ASB18: variants seen among roughly 807,000 people sequenced by gnomAD.
ASB18 encodes ankyrin repeat and SOCS box protein 18.
In ASB18, 33 loss-of-function variants were observed where a neutral mutation model predicts 33.4. The observed-to-expected ratio is 0.99, with a 90% CI of 0.75 to 1.32. The LOEUF is 1.32. Among genes scored for constraint, ASB18 ranks in the 40% most tolerant of loss-of-function variants. ASB18 has a pLI of 0.00. For missense variants in ASB18, 694 were observed against 655.5 expected (o/e 1.06, Z -0.64); for synonymous variants, 295 against 307.6 (o/e 0.96, Z 0.43).
In ASB18 at chr2:236,211,387, C is replaced by T. The variant is rs544611021; in HGVS notation, c.1101+2975G>A. Among the ~76,000 whole-genome samples the T allele has an allele frequency of 2.4e-4, 36 of 152,358 alleles. No homozygotes were observed. Among genetic ancestry groups the T allele is most frequent in the African/African-American group, 7.9e-4 (33 of 41,590 alleles). ...CTTTGATTCTCACTGCAGAGCACTG[C>T]GCCGGCTCGGAAGGATGCCCTGTGT... On this transcript the variant is annotated intron_variant, in intron 4 of 5. Coordinates refer to ENST00000409749, the MANE Select transcript of ASB18 (RefSeq NM_212556.4). The surrounding 1 kb of genome is among the most constrained non-coding windows in gnomAD (Gnocchi z 5.0).
In ASB18 at chr2:236,241,178, C is replaced by T. The variant is rs887642526; in HGVS notation, c.328+102G>A. ...TGTCCTTTTCTTGTGTACGTTAAACCCAGTGCCACTGTGCCCAGTCTACAC... is the reference window on the plus strand; with the variant it reads ...TGTCCTTTTCTTGTGTACGTTAAACTCAGTGCCACTGTGCCCAGTCTACAC... On this transcript the variant is annotated intron_variant, in intron 2 of 5. Transcript: ENST00000409749. This position sits in a 1 kb window ranked among gnomAD's most constrained non-coding sequence, Gnocchi z 4.2. The T allele has an allele frequency of 8.4e-7, 1 of 1,189,142 alleles. No individual in the cohort carries two copies. The highest frequency in any genetic ancestry group is 1.5e-5 in the African/African-American group (1 of 66,204). The allele number at this position is 1,189,142 out of a possible 1,614,324, so 73.7% of individuals were successfully genotyped here. A position where few individuals can be genotyped will look rare whatever the true frequency, so the allele number is the denominator to read the frequency against.
In ASB18 at chr2:236,216,484, A is replaced by G. The variant is rs1470866741; in HGVS notation, c.597-1618T>C. ...CTCTTGATCATCTTGGCCCAGAGTT[A>G]GTCGTCTTTGGCTTATTTGGGGTCT... is the stretch of plus-strand genomic sequence containing the variant. On this transcript the variant is annotated intron_variant, in intron 3 of 5. Coordinates refer to ENST00000409749, the MANE Select transcript of ASB18 (RefSeq NM_212556.4). The surrounding 1 kb of genome is among the most constrained non-coding windows in gnomAD (Gnocchi z 6.1). Among the ~76,000 whole-genome samples the G allele has an allele frequency of 1.3e-5, 2 of 152,166 alleles. No individual in the cohort carries two copies. Among genetic ancestry groups the G allele is most frequent in the Non-Finnish European group, 2.9e-5 (2 of 68,028 alleles).
rs762110696 is a variant in ASB18 at position 236,241,052 on chromosome 2, C to T, written c.328+228G>A. On this transcript the variant is annotated intron_variant, in intron 2 of 5. Coordinates refer to ENST00000409749, the MANE Select transcript of ASB18 (RefSeq NM_212556.4). The surrounding 1 kb of genome is among the most constrained non-coding windows in gnomAD (Gnocchi z 4.2). ...AGACAAGAGGCACACCCAGCGTCAT[C>T]GGATAGGCATTCCCACCAATCGCTG... 4.6e-5 allele frequency among the ~76,000 whole-genome samples: 7 copies of T among 152,216 alleles called. No homozygotes were observed. The highest frequency in any genetic ancestry group is 1.3e-4 in the Admixed American group (2 of 15,284).
chr2:236,226,994 C>T lies in ASB18; in HGVS notation c.596+10695G>A, dbSNP rs562377639. Reference sequence around the variant, plus strand: ...TTAACAATGGTACAAGACTATTAACCAAACTGTTGACTTTATTTGGATTTT... The same window carrying T: ...TTAACAATGGTACAAGACTATTAACTAAACTGTTGACTTTATTTGGATTTT... On this transcript the variant is annotated intron_variant, in intron 3 of 5. Transcript: ENST00000409749. The surrounding 1 kb of genome is among the most constrained non-coding windows in gnomAD (Gnocchi z 4.8). Among the ~76,000 whole-genome samples, 5 of 152,200 alleles carry T rather than the reference C, an allele frequency of 3.3e-5. No individual in the cohort carries two copies. The South Asian group carries it at 8.3e-4, about 25-fold the overall frequency.
At chr2:236,224,110 A>G in intron 3 of ASB18, among the ~76,000 whole-genome samples, 1 of 148,862 alleles carries the variant, frequency 6.7e-6, no homozygotes, top group South Asian at 2.1e-4. Context: ...CCAAAGAGAT[A>G]TCATTTTACC....
rs79139875 is a variant in ASB18, at chr2:236,241,983, T to A, written c.206-581A>T. ...AGCAAATAAGTAATATCCTCTCAGA[T>A]TTTTTTTTAAAGTACTATATTTGGA... is the stretch of plus-strand genomic sequence containing the variant. On this transcript the variant is annotated intron_variant, in intron 1 of 5. Transcript: ENST00000409749. This position sits in a 1 kb window ranked among gnomAD's most constrained non-coding sequence, Gnocchi z 4.2. Among the ~76,000 whole-genome samples the A allele has an allele frequency of 6.6e-6, 1 of 151,570 alleles. No homozygotes were observed. Among genetic ancestry groups the A allele is most frequent in the South Asian group, 2.1e-4 (1 of 4,806 alleles).
At position 236,235,842 on chromosome 2, in the gene ASB18, T is replaced by G. The variant is rs895554817; in HGVS notation, c.596+1847A>C. The stretch of plus-strand genomic sequence containing the variant: ...CTGAGTAGCTGGGATTACAGGTGCA[T>G]GCCAACATGCCTGGGTAATTTTTGT... On this transcript the variant is annotated intron_variant, in intron 3 of 5. Coordinates refer to ENST00000409749, the MANE Select transcript of ASB18 (RefSeq NM_212556.4). The surrounding 1 kb of genome is among the most constrained non-coding windows in gnomAD (Gnocchi z 6.2). 6.6e-6 allele frequency among the ~76,000 whole-genome samples: 1 copy of G among 152,154 alleles called. No homozygotes were observed. Among genetic ancestry groups the G allele is most frequent in the African/African-American group, 2.4e-5 (1 of 41,430 alleles).
Position 236,234,386 on chromosome 2 carries a change from C to G in ASB18, c.596+3303G>C, listed in dbSNP as rs1229340241. Reference sequence around the variant, plus strand: ...CAGCTCTGATCTAGGCATGGCTGCTCAGAAATGGGGTATTCTTCAATTTGT... The same window carrying G: ...CAGCTCTGATCTAGGCATGGCTGCTGAGAAATGGGGTATTCTTCAATTTGT... On this transcript the variant is annotated intron_variant, in intron 3 of 5. Coordinates refer to ENST00000409749, the MANE Select transcript of ASB18 (RefSeq NM_212556.4). The surrounding 1 kb of genome is among the most constrained non-coding windows in gnomAD (Gnocchi z 4.1). 6.6e-6 allele frequency among the ~76,000 whole-genome samples: 1 copy of G among 152,192 alleles called. No homozygotes were observed. Among genetic ancestry groups the G allele is most frequent in the Non-Finnish European group, 1.5e-5 (1 of 68,040 alleles).
At position 236,208,688 on chromosome 2, in the gene ASB18, C is replaced by G. The variant is rs2060445006; in HGVS notation, c.1101+5674G>C. Among the ~76,000 whole-genome samples, 1 of 152,148 alleles carries G rather than the reference C, an allele frequency of 6.6e-6. No homozygotes were observed. The highest frequency in any genetic ancestry group is 1.5e-5 in the Non-Finnish European group (1 of 68,030). On this transcript the variant is annotated intron_variant, in intron 4 of 5. Transcript: ENST00000409749. The surrounding 1 kb of genome is among the most constrained non-coding windows in gnomAD (Gnocchi z 7.7). ...GTCTCTGGGAATTCATTTTCTGTCT[C>G]TCCTCTGTTCCACCTCTCTGGGGCT...
chr2:236,257,332 C>T lies in ASB18; in HGVS notation c.205+6809G>A, dbSNP rs1026719733. 5.9e-5 allele frequency among the ~76,000 whole-genome samples: 9 copies of T among 152,366 alleles called. No individual in the cohort carries two copies. In the East Asian group the frequency reaches 1.2e-3, roughly 20 times the overall value. On this transcript the variant is annotated intron_variant, in intron 1 of 5. Transcript: ENST00000409749. The surrounding 1 kb of genome is among the most constrained non-coding windows in gnomAD (Gnocchi z 5.5). ...TTCGAGCAGGGTCTCCCTGCCCCCA[C>T]GCTCTCTGGTGGAGTGAGCAGTCAA...
rs533304892 is a variant in ASB18 at position 236,238,974 on chromosome 2, T to C, written c.329-1018A>G. 7.9e-5 allele frequency among the ~76,000 whole-genome samples: 12 copies of C among 152,092 alleles called. No homozygotes were observed. The East Asian group carries it at 2.3e-3, about 29-fold the overall frequency. ...GGTGCCGAGTTCCAGCCGCCCTGAG[T>C]CCCCAAGGCCCAGCCTGGAGCTTGT... On this transcript the variant is annotated intron_variant, in intron 2 of 5. Coordinates refer to ENST00000409749, the MANE Select transcript of ASB18 (RefSeq NM_212556.4). This position sits in a 1 kb window ranked among gnomAD's most constrained non-coding sequence, Gnocchi z 5.2.
intron 4 of ASB18, among the ~76,000 whole-genome samples, chr2:236,199,081 T>C (rs2060387087): frequency 1.3e-5 from 2 of 152,294 alleles, no homozygotes; most frequent in South Asian, 4.1e-4. Flanking sequence ...TAAGATGTAA[T>C]TTCATTTTTT....
rs1417471373 is a variant in ASB18 at position 236,214,822 on chromosome 2, A to G, written c.641T>C (p.Val214Ala). 2 of 1,212,980 alleles carry G rather than the reference A, an allele frequency of 1.6e-6. No homozygotes were observed. Among genetic ancestry groups the G allele is most frequent in the African/African-American group, 3.2e-5 (2 of 63,124 alleles). 75.1% of individuals were successfully genotyped at this position (1,212,980 alleles called of 1,614,324 possible). A position where few individuals can be genotyped will look rare whatever the true frequency, so the allele number is the denominator to read the frequency against. ...LLEHGASVQR[V>A]GGTGRDTPLH... The stretch of plus-strand genomic sequence containing the variant: ...CGGCGTGTCCCGGCCCGTGCCGCCC[A>G]CGCGCTGCACCGAGGCCCCGTGCTC... Residue 214 changes from valine to alanine, a missense_variant, in exon 4 of 6, where the codon GTG becomes GCG. Transcript: ENST00000409749. This position sits in a 1 kb window ranked among gnomAD's most constrained non-coding sequence, Gnocchi z 6.5.
Position 236,214,254 on chromosome 2 carries a change from G to T in ASB18, c.1101+108C>A. ...TGCATTTTCACAAGTCCCCAGGGGT[G>T]CCTGGGCCATTACACTTTGAGAGCG... On this transcript the variant is annotated intron_variant, in intron 4 of 5. Coordinates refer to ENST00000409749, the MANE Select transcript of ASB18 (RefSeq NM_212556.4). The surrounding 1 kb of genome is among the most constrained non-coding windows in gnomAD (Gnocchi z 6.5). 8.6e-7 allele frequency: 1 copy of T among 1,160,166 alleles called. No homozygotes were observed. 71.9% of individuals were successfully genotyped at this position (1,160,166 alleles called of 1,614,324 possible). A position where few individuals can be genotyped will look rare whatever the true frequency, so the allele number is the denominator to read the frequency against.
rs1478057019 is a variant in ASB18, at chr2:236,231,392, G to A, written c.596+6297C>T. 1.3e-5 allele frequency among the ~76,000 whole-genome samples: 2 copies of A among 152,134 alleles called. No individual in the cohort carries two copies. The highest frequency in any genetic ancestry group is 1.9e-4 in the East Asian group (1 of 5,186). ...GAAGTGATTAGGCCCTCATAGATGGGATTAGTGCCCTTATAAAAGGGCTTG... is the reference window on the plus strand; with the variant it reads ...GAAGTGATTAGGCCCTCATAGATGGAATTAGTGCCCTTATAAAAGGGCTTG... On this transcript the variant is annotated intron_variant, in intron 3 of 5. Transcript: ENST00000409749. This position sits in a 1 kb window ranked among gnomAD's most constrained non-coding sequence, Gnocchi z 5.5.
Position 236,239,738 on chromosome 2 carries a change from A to G in ASB18, c.328+1542T>C, listed in dbSNP as rs901156143. On this transcript the variant is annotated intron_variant, in intron 2 of 5. Transcript: ENST00000409749. The surrounding 1 kb of genome is among the most constrained non-coding windows in gnomAD (Gnocchi z 5.6). ...CTGTACTCAGATCAATCCCTTCCCC[A>G]CCAGGGGAGCTGGAATTGGCCACCG... 6.6e-6 allele frequency among the ~76,000 whole-genome samples: 1 copy of G among 152,090 alleles called. No individual in the cohort carries two copies. Among genetic ancestry groups the G allele is most frequent in the African/African-American group, 2.4e-5 (1 of 41,406 alleles).
At chr2:236,230,999 G>T (rs1352297015) in intron 3 of ASB18, among the ~76,000 whole-genome samples, 1 of 152,138 alleles carries the variant, frequency 6.6e-6, no homozygotes, top group African/African-American at 2.4e-5. Flanking sequence ...ACTCAGGTAA[G>T]TTAAAAAATG....
Position 236,193,575 on chromosome 2 carries a change from T to C in ASB18, c.*1297A>G, listed in dbSNP as rs2106259982. 1.3e-5 allele frequency among the ~76,000 whole-genome samples: 2 copies of C among 152,280 alleles called. No individual in the cohort carries two copies. Among genetic ancestry groups the C allele is most frequent in the East Asian group, 3.9e-4 (2 of 5,170 alleles). ...ACTTTGGGAGGCCGAGGCGGGCAGA[T>C]CACCTGAGATCGGGAGTTTGAGACC... On this transcript the variant is annotated 3_prime_UTR_variant, in exon 6 of 6. Coordinates refer to ENST00000409749, the MANE Select transcript of ASB18 (RefSeq NM_212556.4). The surrounding 1 kb of genome is among the most constrained non-coding windows in gnomAD (Gnocchi z 5.0).
At position 236,245,875 on chromosome 2, in the gene ASB18, A is replaced by G. The variant is rs541418394; in HGVS notation, c.206-4473T>C. On this transcript the variant is annotated intron_variant, in intron 1 of 5. Coordinates refer to ENST00000409749, the MANE Select transcript of ASB18 (RefSeq NM_212556.4). The surrounding 1 kb of genome is among the most constrained non-coding windows in gnomAD (Gnocchi z 4.7). ...AACTTGCTCAACATTAAAGCTCCTC[A>G]GTGGTTCTTGCTCTTATTCTTGGCC... Among the ~76,000 whole-genome samples, 45 of 152,304 alleles carry G rather than the reference A, an allele frequency of 3.0e-4. No individual in the cohort carries two copies. Among genetic ancestry groups the G allele is most frequent in the Middle Eastern group, 3.4e-3 (1 of 294 alleles).
Sources: gnomAD v4.1 joint callset for allele counts (sites outside exome capture counted in the v4.1 genomes callset) on GRCh38, gnomAD v4.1.1 for gene constraint, Gnocchi (gnomAD v3.1) non-coding constraint, MANE v1.5 for transcripts, NCBI Gene and HGNC (gene_info 2026-07-23, HGNC 2026-07-21) for gene names.